SLC12A7: variants seen among roughly 807,000 people sequenced by gnomAD.
SLC12A7 encodes solute carrier family 12 member 7.
SLC12A7 carries 100 observed loss-of-function variants against 120.6 expected under a neutral mutation model. That is an observed-to-expected ratio of 0.83 (90% confidence interval 0.71 to 0.98). The LOEUF is 0.98. SLC12A7 is among the 50% of genes least tolerant of loss of function. The pLI, the probability that SLC12A7 is intolerant of heterozygous loss-of-function variation, is 0.00. For synonymous variants in SLC12A7, 760 were observed against 678.0 expected (o/e 1.12, Z -1.88); for missense variants, 1,373 against 1,548.1 (o/e 0.89, Z 1.90).
chr5:1,056,548 C>G, intron 22 of SLC12A7: 1 of 982,834 alleles, frequency 1.0e-6, no homozygotes. Flanking sequence ...CAACCGGGCC[C>G]GGAAGGCGAC....
the SLC12A7 span, among the ~76,000 whole-genome samples, chr5:1,127,568 C>G: frequency 6.6e-6 from 1 of 152,210 alleles, no homozygotes; most frequent in East Asian, 1.9e-4. Flanking sequence ...GTGTGGTGAT[C>G]ACAGCAGTCC....
the SLC12A7 span, among the ~76,000 whole-genome samples, chr5:1,117,216 T>C: frequency 1.8e-4 from 27 of 151,616 alleles, no homozygotes; most frequent in African/African-American, 6.1e-4. The surrounding 1 kb of genome is among the most constrained non-coding windows in gnomAD (Gnocchi z 4.5). Flanking sequence ...GGGGTGGGGG[T>C]GCAGCCTTCG....
At chr5:1,116,121 G>A (rs1561122931), upstream of SLC12A7, among the ~76,000 whole-genome samples, 1 of 152,076 alleles carries the variant, frequency 6.6e-6, no homozygotes, top group Non-Finnish European at 1.5e-5. Flanking sequence ...CCACCTGTGG[G>A]GGCTCGAAGG....
In SLC12A7 at chr5:1,073,777, G is replaced by T. The variant is rs748837986; in HGVS notation, c.2097C>A (p.Asn699Lys). 3 of 1,461,898 alleles carry T rather than the reference G, an allele frequency of 2.1e-6. No homozygotes were observed. Among genetic ancestry groups the T allele is most frequent in the East Asian group, 5.2e-5 (2 of 38,104 alleles). 90.6% of individuals were successfully genotyped at this position (1,461,898 alleles called of 1,614,324 possible). A position where few individuals can be genotyped will look rare whatever the true frequency, so the allele number is the denominator to read the frequency against. ...GCTTCACGGCCTGCTCCGCGTCCAGGTTCAGCATCACCAGCACCTGGGGCC... is the reference window on the plus strand; with the variant it reads ...GCTTCACGGCCTGCTCCGCGTCCAGTTTCAGCATCACCAGCACCTGGGGCC... ...NWRPQVLVML[N>K]LDAEQAVKHP... is the part of the protein sequence containing the mutation. The change falls in exon 17 of 24, where the codon AAC becomes AAA. Residue 699 changes from asparagine (N) to lysine (K), a missense_variant. Physicochemically the swap from Asn to Lys is moderately conservative, Grantham distance 94. Coordinates refer to ENST00000264930, the MANE Select transcript of SLC12A7 (RefSeq NM_006598.3).
At chr5:1,101,284 C>T (rs1285446761) in intron 1 of SLC12A7, among the ~76,000 whole-genome samples, 1 of 152,210 alleles carries the variant, frequency 6.6e-6, no homozygotes, top group Non-Finnish European at 1.5e-5. Flanking sequence ...CAGCTCTGCT[C>T]ACAGCTTGTC....
chr5:1,056,024 A>C (rs566958191), intron 22 of SLC12A7, among the ~76,000 whole-genome samples: 131 of 152,218 alleles, frequency 8.6e-4, no homozygotes, highest in Non-Finnish European at 1.5e-3. Flanking sequence ...CAGGGGACAG[A>C]GACGGCATCG....
Position 1,057,568 on chromosome 5 carries a change from C to A in SLC12A7, c.2929G>T (p.Val977Leu), listed in dbSNP as rs750042432. ...RTQAPPTPDK[V>L]QMTWTREKLI... The stretch of plus-strand genomic sequence containing the variant: ...TTCTCCCTGGTCCAGGTCATCTGCA[C>A]CTTGTCTGGCGTAGGCGGCGCTTGG... The change falls in exon 22 of 24, where the codon GTG (valine) becomes TTG (leucine). Residue 977 changes from valine to leucine, a missense_variant. Coordinates refer to ENST00000264930, the MANE Select transcript of SLC12A7 (RefSeq NM_006598.3). 1.2e-6 allele frequency: 2 copies of A among 1,612,626 alleles called. No individual in the cohort carries two copies. Among genetic ancestry groups the A allele is most frequent in the Middle Eastern group, 1.6e-4 (1 of 6,082 alleles).
At chr5:1,111,776 G>A (rs939688915) in intron 1 of SLC12A7, 92 bp downstream of exon 1, 9 of 1,149,372 alleles carry the variant, frequency 7.8e-6, no homozygotes, top group Non-Finnish European at 9.7e-6. Flanking sequence ...CTGTACCCCC[G>A]GCCCCGCCGC....
intron 9 of SLC12A7, among the ~76,000 whole-genome samples, chr5:1,080,901 T>C (rs1383534406): frequency 6.6e-6 from 1 of 151,910 alleles, no homozygotes; most frequent in Non-Finnish European, 1.5e-5. Flanking sequence ...TTCTCACAAA[T>C]CCATCAGGAC....
Position 1,087,106 on chromosome 5 carries a change from C to A in SLC12A7, c.545-73G>T. 4 of 1,499,874 alleles carry A rather than the reference C, an allele frequency of 2.7e-6. 1 individual carries two copies. The South Asian group carries it at 5.2e-5, about 19-fold the overall frequency. 92.9% of individuals were successfully genotyped at this position (1,499,874 alleles called of 1,614,324 possible). A position where few individuals can be genotyped will look rare whatever the true frequency, so the allele number is the denominator to read the frequency against. On this transcript the variant is annotated intron_variant, in intron 5 of 23. Transcript: ENST00000264930. ...CGGACCCGAGGTGCGGTCTGCGCTG[C>A]CATTCACGGGCAAAGGAGGGCCTGT...
Position 1,075,442 on chromosome 5 carries a change from G to A in SLC12A7, c.1896C>T (p.Ile632=), listed in dbSNP as rs746789371. Residue 632 remains isoleucine (I), a synonymous_variant, in exon 15 of 24, where the codon ATC becomes ATT. Coordinates refer to ENST00000264930, the MANE Select transcript of SLC12A7 (RefSeq NM_006598.3). ...GMSLCLALMF[I]CSWYYALSAM... is the part of the protein sequence containing the mutation. ...CGGACAGCGCGTAGTACCAGGAGCA[G>A]ATGAACATCAGCGCCAGGCACAGGC... is the stretch of plus-strand genomic sequence containing the variant. The A allele has an allele frequency of 1.9e-6, 3 of 1,612,602 alleles. No homozygotes were observed. The highest frequency in any genetic ancestry group is 2.5e-6 in the Non-Finnish European group (3 of 1,179,668).
In SLC12A7 at chr5:1,086,906, A is replaced by T; in HGVS notation, c.672T>A (p.Phe224Leu). The part of the protein sequence containing the change: ...AMYILGTIEI[F>L]LTYISPGAAI... ...CCTTCCAAAGCAGCACACTTACCAG[A>T]AAAATCTCGATGGTCCCCAAAATAT... The change falls in exon 6 of 24, where the codon TTT (phenylalanine) becomes TTA (leucine). Residue 224 changes from phenylalanine (F) to leucine (L), a missense_variant. Transcript: ENST00000264930. 1 of 1,612,566 alleles carries T rather than the reference A, an allele frequency of 6.2e-7. No individual in the cohort carries two copies. The highest frequency in any genetic ancestry group is 8.5e-7 in the Non-Finnish European group (1 of 1,179,724).
chr5:1,146,037 G>C, the SLC12A7 span, among the ~76,000 whole-genome samples: 5 of 152,080 alleles, frequency 3.3e-5, no homozygotes, highest in Admixed American at 3.3e-4. This position sits in a 1 kb window ranked among gnomAD's most constrained non-coding sequence, Gnocchi z 6.5. Context: ...CCAGCCCCTG[G>C]CAGTCCCCGT....
chr5:1,062,856 CTGCAAAA>C (rs954979103), intron 20 of SLC12A7: 1 of 154,436 alleles, frequency 6.5e-6, no homozygotes, highest in African/African-American at 2.4e-5. Flanking sequence ...CCCTGAGGAC[CTGCAAAA>C]CCATGCGCTG....
chr5:1,120,230 C>G, the SLC12A7 span, among the ~76,000 whole-genome samples: 1 of 152,370 alleles, frequency 6.6e-6, no homozygotes, highest in East Asian at 1.9e-4. Context: ...TGACACACTT[C>G]TCTTTCTCAG....
At chr5:1,098,084 GC>G (rs1393536680) in intron 1 of SLC12A7, among the ~76,000 whole-genome samples, 15 of 101,700 alleles carry the variant, frequency 1.5e-4, no homozygotes, top group Admixed American at 1.2e-3. Flanking sequence ...ACACCCAGCC[GC>G]CCCCTCCAAC....
chr5:1,084,152 G>A (rs893268629), intron 7 of SLC12A7, among the ~76,000 whole-genome samples, 196 bp from the exon 8 acceptor site: 2 of 151,836 alleles, frequency 1.3e-5, no homozygotes, highest in African/African-American at 2.4e-5. Flanking sequence ...GCAAGGGCCA[G>A]GGATCACACT....
intron 3 of SLC12A7, 100 bp from the exon 4 acceptor site, chr5:1,089,228 T>TGGGGGCAGGA (rs571127868): frequency 7.9e-6 from 11 of 1,386,126 alleles, no homozygotes; most frequent in Admixed American, 2.0e-5. Flanking sequence ...AAAGCGGCCG[T>TGGGGGCAGGA]GGGGGCAGGA....
At chr5:1,062,228 G>A (rs1736370129) in intron 20 of SLC12A7, among the ~76,000 whole-genome samples, 2 of 152,222 alleles carry the variant, frequency 1.3e-5, no homozygotes, top group Admixed American at 6.5e-5. Context: ...GGCCCCAGTG[G>A]CCGCCCCACC....
Sources: allele counts gnomAD v4.1 joint callset (sites outside exome capture counted in the v4.1 genomes callset), GRCh38; gene constraint gnomAD v4.1.1; non-coding constraint Gnocchi (gnomAD v3.1); transcripts MANE v1.5; gene names NCBI Gene and HGNC (gene_info 2026-07-23, HGNC 2026-07-21).